METTL21A: variants seen among roughly 807,000 people sequenced by gnomAD.
The protein encoded by METTL21A is methyltransferase 21A, HSPA lysine.
A neutral mutation model predicts 20.9 loss-of-function variants in METTL21A; 22 were observed. That is an observed-to-expected ratio of 1.05 (90% CI 0.75 to 1.50). METTL21A has a LOEUF of 1.50. Among genes scored for constraint, METTL21A ranks in the 40% most tolerant of loss-of-function variants. The pLI is 0.00. For missense variants in METTL21A, 271 were observed against 266.8 expected (o/e 1.02, Z -0.11); for synonymous variants, 93 against 102.0 (o/e 0.91, Z 0.53).
chr2:207,600,557 A>AT (rs2086876677), intron 3 of METTL21A: 2 of 211,382 alleles, frequency 9.5e-6, no homozygotes, highest in Non-Finnish European at 1.9e-5. Flanking sequence ...TGTGGCAGCT[A>AT]TAACAGTGGT....
intron 3 of METTL21A, chr2:207,598,844 TAAAAATA>T (rs957596561): frequency 1.4e-4 from 9 of 64,704 alleles, no homozygotes; most frequent in African/African-American, 7.4e-4. Flanking sequence ...TCTCAAAAAA[TAAAAATA>T]AAAAAAATGT....
intron 3 of METTL21A, among the ~76,000 whole-genome samples, chr2:207,617,237 C>G (rs1177588200): frequency 1.3e-5 from 2 of 152,246 alleles, no homozygotes; most frequent in Non-Finnish European, 1.5e-5. Context: ...GGAAGAAAGT[C>G]CTTACCCACA....
exon 4 of METTL21A, chr2:207,612,759 T>C: frequency 3.9e-6 from 1 of 259,268 alleles, no homozygotes; most frequent in African/African-American, 2.2e-5. Context: ...CAGTGGAAAC[T>C]GTTTATTAAA....
chr2:207,621,726 G>T, intron 3 of METTL21A, 80 bp downstream of exon 3: 1 of 1,231,690 alleles, frequency 8.1e-7, no homozygotes, highest in Non-Finnish European at 1.2e-6. Context: ...GAAAACCCAC[G>T]AAGGGTTTTG....
chr2:207,604,022 C>A (rs1401489400), intron 3 of METTL21A, among the ~76,000 whole-genome samples: 2 of 152,286 alleles, frequency 1.3e-5, no homozygotes, highest in South Asian at 4.1e-4. Context: ...TTTTCTGCAA[C>A]AACGATTACA....
At chr2:207,602,607 G>T (rs542142469) in intron 3 of METTL21A, 15 of 212,144 alleles carry the variant, frequency 7.1e-5, no homozygotes, top group African/African-American at 3.2e-4. Context: ...TGCAAATAAT[G>T]ATTTTATGTT....
intron 3 of METTL21A, chr2:207,582,763 C>A: frequency 4.9e-6 from 1 of 204,042 alleles, no homozygotes; most frequent in Non-Finnish European, 1.0e-5. Context: ...GGTGGTGGTG[C>A]ACGCTTGTAA....
At chr2:207,607,498 T>A (rs1003153065), downstream of METTL21A, among the ~76,000 whole-genome samples, 7 of 151,336 alleles carry the variant, frequency 4.6e-5, no homozygotes, top group Non-Finnish European at 8.8e-5. Context: ...ACATTCCAAA[T>A]AATGTTATTC....
chr2:207,617,156 G>A (rs967182129), intron 3 of METTL21A, among the ~76,000 whole-genome samples: 44 of 152,162 alleles, frequency 2.9e-4, no homozygotes, highest in African/African-American at 9.9e-4. Context: ...ATCAGTTTTC[G>A]TTTTAGTTTT....
At chr2:207,622,080 T>C (rs542393622) in intron 2 of METTL21A, among the ~76,000 whole-genome samples, 163 bp from the exon 3 acceptor site, 6 of 152,046 alleles carry the variant, frequency 3.9e-5, no homozygotes, top group South Asian at 4.2e-4. Flanking sequence ...ACCTCCCCCT[T>C]AGAGCAAGCA....
intron 3 of METTL21A, chr2:207,620,576 G>A: frequency 7.6e-7 from 1 of 1,318,126 alleles, no homozygotes; most frequent in Non-Finnish European, 1.0e-6. Context: ...CAGAATCCCA[G>A]CTTTGTTTGA....
chr2:207,625,731 CCT>C (rs2091032675), upstream of METTL21A: 1 of 152,326 alleles, frequency 6.6e-6, no homozygotes, highest in East Asian at 1.9e-4. Flanking sequence ...CCGCTCTCTG[CCT>C]CTGACTTTGT....
At chr2:207,597,079 C>T (rs2086302994) in intron 3 of METTL21A, 1 of 1,581,040 alleles carries the variant, frequency 6.3e-7, no homozygotes, top group Non-Finnish European at 8.6e-7. Flanking sequence ...AAATTTTCAC[C>T]TGTTAAGGTG....
chr2:207,594,174 T>C (rs941239683), intron 3 of METTL21A, among the ~76,000 whole-genome samples: 2 of 152,238 alleles, frequency 1.3e-5, no homozygotes, highest in African/African-American at 4.8e-5. Context: ...AGAATAATTT[T>C]TAATTATTTT....
intron 3 of METTL21A, chr2:207,620,709 G>C: frequency 2.6e-6 from 4 of 1,531,216 alleles, no homozygotes; most frequent in Non-Finnish European, 3.5e-6. Context: ...GGTTGAAGAC[G>C]GACGGAAACC....
At chr2:207,623,587 C>T (rs919131340) in intron 2 of METTL21A, among the ~76,000 whole-genome samples, 6 of 152,236 alleles carry the variant, frequency 3.9e-5, no homozygotes, top group African/African-American at 1.4e-4. Flanking sequence ...CGCTGTGGCT[C>T]ACGCCTGTAA....
intron 3 of METTL21A, chr2:207,582,820 G>A (rs2083150336): frequency 6.1e-6 from 2 of 327,780 alleles, no homozygotes; most frequent in Non-Finnish European, 1.2e-5. Context: ...GCGAACCTGG[G>A]AGGTGGAAGT....
exon 4 of METTL21A, chr2:207,581,723 A>T: frequency 1.7e-6 from 1 of 604,696 alleles, no homozygotes; most frequent in East Asian, 2.8e-5. Flanking sequence ...ACATTTATCA[A>T]AAATAAAAGT....
At chr2:207,616,337 A>T (rs2089735717) in intron 3 of METTL21A, among the ~76,000 whole-genome samples, 1 of 152,262 alleles carries the variant, frequency 6.6e-6, no homozygotes, top group Non-Finnish European at 1.5e-5. Context: ...GCTCATAGAT[A>T]AAGGCCTTCT....
Sources: allele counts gnomAD v4.1 joint callset (sites outside exome capture counted in the v4.1 genomes callset), GRCh38; gene constraint gnomAD v4.1.1; transcripts MANE v1.5; gene names NCBI Gene and HGNC (gene_info 2026-07-23, HGNC 2026-07-21).